The following EIF4G3 variants were observed in gnomAD, a reference collection of about 807,000 sequenced individuals.
EIF4G3 encodes the protein eIF-4-gamma 3.
EIF4G3 carries 34 observed loss-of-function variants against 186.4 expected under a neutral mutation model. The observed-to-expected ratio is 0.18, with a 90% confidence interval of 0.14 to 0.24. EIF4G3 has a LOEUF of 0.24. Among genes scored for constraint, EIF4G3 ranks in the 10% least tolerant of loss-of-function variants. The probability of loss-of-function intolerance (pLI) is 1.00; values close to 1 mark genes in which losing one functional copy is unlikely to be tolerated. For missense variants in EIF4G3, 1,536 were observed against 1,948.5 expected, an observed-to-expected ratio of 0.79 and a Z score of 3.99; for synonymous variants, 673 against 679.5, an observed-to-expected ratio of 0.99 and a Z score of 0.15.
intron 29 of EIF4G3, among the ~76,000 whole-genome samples, chr1:20,842,099 T>C (rs2068810333): frequency 6.6e-6 from 1 of 152,226 alleles, no homozygotes; most frequent in Non-Finnish European, 1.5e-5. Context: ...TCTTCACTTT[T>C]AGATTCATCA....
intron 3 of EIF4G3, among the ~76,000 whole-genome samples, chr1:21,053,543 TG>T (rs1211887326): frequency 9.0e-6 from 1 of 111,032 alleles, no homozygotes; most frequent in South Asian, 2.9e-4. Context: ...GGGAAGGAGG[TG>T]GGGGGGTCAG....
chr1:21,078,074 T>C (rs990841134), intron 3 of EIF4G3, among the ~76,000 whole-genome samples: 2 of 150,038 alleles, frequency 1.3e-5, no homozygotes, highest in Admixed American at 1.3e-4. Context: ...AGAAAGGAAA[T>C]CAGTGCATTA....
Position 21,025,825 on chromosome 1 carries a change from A to C in EIF4G3, c.-66-23017T>G. ...CAGAGTAATTAGGCATGAAGAGAGC[A>C]GAGTCAACCCAGAATGAACTAAGAA... On this transcript the variant is annotated intron_variant, in intron 4 of 36. Coordinates refer to ENST00000602326, the MANE Select transcript of EIF4G3 (RefSeq NM_001391906.1). 1.3e-5 allele frequency among the ~76,000 whole-genome samples: 2 copies of C among 152,350 alleles called. 1 individual carries two copies. Among genetic ancestry groups the C allele is most frequent in the South Asian group, 4.1e-4 (2 of 4,828 alleles).
At chr1:20,984,589 TAC>T (rs201762177) in intron 7 of EIF4G3, among the ~76,000 whole-genome samples, 13,953 of 147,778 alleles carry the variant, frequency 0.094, 871 homozygotes, top group East Asian at 0.26. Flanking sequence ...CACACATATA[TAC>T]ACTTTTTTTT....
intron 22 of EIF4G3, among the ~76,000 whole-genome samples, chr1:20,864,260 A>C (rs1382418275): frequency 6.6e-6 from 1 of 152,222 alleles, no homozygotes; most frequent in Non-Finnish European, 1.5e-5. Context: ...AGAATCTACA[A>C]ACTGGCTTTT....
intron 10 of EIF4G3, among the ~76,000 whole-genome samples, chr1:20,975,436 A>C (rs928455478): frequency 6.6e-6 from 1 of 151,646 alleles, no homozygotes; most frequent in Non-Finnish European, 1.5e-5. Flanking sequence ...TTGAGCCTAC[A>C]TGATTGGGGA....
At chr1:21,076,195 G>T (rs2095583701) in intron 3 of EIF4G3, among the ~76,000 whole-genome samples, 2 of 152,130 alleles carry the variant, frequency 1.3e-5, no homozygotes, top group South Asian at 4.1e-4. Flanking sequence ...AAGATCTTTG[G>T]AAATAGATCT....
chr1:21,036,314 G>A (rs547007888), intron 4 of EIF4G3, among the ~76,000 whole-genome samples: 1 of 152,240 alleles, frequency 6.6e-6, no homozygotes, highest in East Asian at 1.9e-4. Context: ...CTGACACTCA[G>A]TAAAGCTCCT....
chr1:21,169,177 G>A (rs928729494), intron 2 of EIF4G3, among the ~76,000 whole-genome samples: 5 of 151,946 alleles, frequency 3.3e-5, no homozygotes, highest in South Asian at 2.1e-4. Flanking sequence ...GTGGCAAGGC[G>A]CGGTGGCTCA....
At chr1:20,998,933 C>A in intron 6 of EIF4G3, 1 of 281,762 alleles carries the variant, frequency 3.5e-6, no homozygotes, top group Non-Finnish European at 7.3e-6. Context: ...CTTAACACTA[C>A]AGATGAATTA....
intron 18 of EIF4G3, chr1:20,893,094 T>C (rs2086682477): frequency 7.6e-6 from 1 of 131,174 alleles, no homozygotes; most frequent in East Asian, 2.0e-4. Context: ...TTTTCTTTTC[T>C]TTTTTTTTTT....
At chr1:21,030,797 C>T (rs751720354) in intron 4 of EIF4G3, among the ~76,000 whole-genome samples, 21 of 152,186 alleles carry the variant, frequency 1.4e-4, no homozygotes, top group African/African-American at 4.6e-4. Context: ...GCTCTAATAG[C>T]GACCACATTG....
At position 20,817,388 on chromosome 1, in the gene EIF4G3, A is replaced by T; in HGVS notation, c.4515+4T>A. The T allele has an allele frequency of 6.4e-7, 1 of 1,568,038 alleles. No homozygotes were observed. On this transcript the variant is annotated splice_donor_region_variant and intron_variant, in intron 34 of 36. Coordinates refer to ENST00000602326, the MANE Select transcript of EIF4G3 (RefSeq NM_001391906.1). ...TATCAGGGAAGGTGACATAGTCTTTATACCTCTACCCAGTCAAAGATCTGT... is the reference window on the plus strand; with the variant it reads ...TATCAGGGAAGGTGACATAGTCTTTTTACCTCTACCCAGTCAAAGATCTGT...
intron 30 of EIF4G3, among the ~76,000 whole-genome samples, chr1:20,837,111 A>G (rs2066973875): frequency 6.6e-6 from 1 of 152,184 alleles, no homozygotes; most frequent in African/African-American, 2.4e-5. Context: ...ACTTTTGTCT[A>G]TTTTACTACT....
intron 3 of EIF4G3, among the ~76,000 whole-genome samples, chr1:21,078,311 G>A (rs536664916): frequency 6.6e-6 from 1 of 152,122 alleles, no homozygotes; most frequent in Non-Finnish European, 1.5e-5. Context: ...AACAGAAATG[G>A]AAGAGGAGGT....
chr1:21,130,825 G>A (rs1430785711), intron 2 of EIF4G3, among the ~76,000 whole-genome samples: 1 of 151,922 alleles, frequency 6.6e-6, no homozygotes, highest in Non-Finnish European at 1.5e-5. Flanking sequence ...TGAATAGATG[G>A]GTAATTTCAG....
intron 30 of EIF4G3, among the ~76,000 whole-genome samples, chr1:20,829,693 C>T (rs2154547700): frequency 6.6e-6 from 1 of 152,294 alleles, no homozygotes; most frequent in Non-Finnish European, 1.5e-5. Flanking sequence ...GTCAAAAGCA[C>T]TGACTAAACA....
At chr1:20,825,689 T>C (rs2063435025) in intron 32 of EIF4G3, among the ~76,000 whole-genome samples, 1 of 152,240 alleles carries the variant, frequency 6.6e-6, no homozygotes, top group South Asian at 2.1e-4. Context: ...TGTCTTTTCC[T>C]AGATAGCTCT....
At chr1:20,978,441 A>T (rs1315839222) in intron 10 of EIF4G3, among the ~76,000 whole-genome samples, 1 of 152,200 alleles carries the variant, frequency 6.6e-6, no homozygotes, top group Non-Finnish European at 1.5e-5. Context: ...ATGTAGTATT[A>T]ATCCCTTTTC....
Sources: allele counts gnomAD v4.1 joint callset (sites outside exome capture counted in the v4.1 genomes callset), GRCh38; gene constraint gnomAD v4.1.1; transcripts MANE v1.5; gene names NCBI Gene and HGNC (gene_info 2026-07-23, HGNC 2026-07-21).